Variants in UBR2 observed in about 807,000 individuals in gnomAD.
UBR2 encodes ubiquitin protein ligase E3 component n-recognin 2.
A neutral mutation model predicts 247.9 loss-of-function variants in UBR2; 92 were observed. The observed-to-expected ratio is 0.37, with a 90% CI of 0.31 to 0.44. UBR2 has a LOEUF of 0.44. Ranked by LOEUF, UBR2 falls within the 20% of genes least tolerant of loss-of-function variation. The pLI is 1.00. For synonymous variants in UBR2, 672 were observed against 693.5 expected (o/e 0.97, Z 0.49); for missense variants, 1,613 against 2,112.6 (o/e 0.76, Z 4.64).
chr6:42,573,947 C>G lies in UBR2; in HGVS notation c.292C>G (p.Leu98Val). The change falls in exon 2 of 47, where the codon CTT becomes GTT. Residue 98 changes from leucine to valine, a missense_variant. Transcript: ENST00000372901. ...TGAGCAAGCAAACAAACCTTCTCATCTTTGTGGTCGTGTTTTTAAAGTAGG... is the reference window on the plus strand; with the variant it reads ...TGAGCAAGCAAACAAACCTTCTCATGTTTGTGGTCGTGTTTTTAAAGTAGG... ...KLEQANKPSHLCGRVFKVGEP... is the reference protein window; with the variant it reads ...KLEQANKPSHVCGRVFKVGEP... 3 of 1,611,960 alleles carry G rather than the reference C, an allele frequency of 1.9e-6. No individual in the cohort carries two copies. Among genetic ancestry groups the G allele is most frequent in the Middle Eastern group, 1.7e-4 (1 of 6,052 alleles).
In UBR2 at chr6:42,678,581, T is replaced by C; in HGVS notation, c.4521T>C (p.Ser1507=). The C allele has an allele frequency of 1.9e-6, 3 of 1,613,830 alleles. No individual in the cohort carries two copies. The highest frequency in any genetic ancestry group is 2.5e-6 in the Non-Finnish European group (3 of 1,179,898). ...CATCCGGCTGGCATCTGTGGAGGAGTGTCAGAGCTGGAATCATGCCTTTCC... is the reference window on the plus strand; with the variant it reads ...CATCCGGCTGGCATCTGTGGAGGAGCGTCAGAGCTGGAATCATGCCTTTCC... The part of the protein sequence containing the change: ...EIPSGWHLWR[S]VRAGIMPFLK... The change falls in exon 41 of 47, where the codon AGT becomes AGC. Residue 1507 remains serine, a synonymous_variant. Coordinates refer to ENST00000372901, the MANE Select transcript of UBR2 (RefSeq NM_001363705.2).
chr6:42,686,838 C>T (rs1799440564), intron 44 of UBR2, among the ~76,000 whole-genome samples: 2 of 152,074 alleles, frequency 1.3e-5, no homozygotes, highest in African/African-American at 2.4e-5. Flanking sequence ...GGGCTCCTCA[C>T]TTCTCAGACG....
At chr6:42,640,301 C>T in intron 16 of UBR2, 31 bp downstream of exon 16, 1 of 1,543,816 alleles carries the variant, frequency 6.5e-7, no homozygotes, top group East Asian at 2.3e-5. Context: ...AAAGTGAATA[C>T]TTATTTATTA....
At chr6:42,683,453 A>G (rs755893992) in intron 43 of UBR2, among the ~76,000 whole-genome samples, 1 of 152,226 alleles carries the variant, frequency 6.6e-6, no homozygotes, top group Non-Finnish European at 1.5e-5. Context: ...GAGTAAAATA[A>G]TGAGGCTCCA....
intron 11 of UBR2, among the ~76,000 whole-genome samples, chr6:42,629,283 C>CTCA (rs995205053): frequency 1.9e-4 from 29 of 149,124 alleles, no homozygotes; most frequent in Admixed American, 1.6e-3. Flanking sequence ...TCCCAAAGTG[C>CTCA]TCAGATTACA....
At chr6:42,657,972 G>C in intron 26 of UBR2, 52 bp from the exon 27 acceptor site, 1 of 1,352,450 alleles carries the variant, frequency 7.4e-7, no homozygotes, top group Non-Finnish European at 1.1e-6. Context: ...GTAGGAATAA[G>C]TACTATGAAG....
At chr6:42,640,032 AT>A (rs113860357) in intron 15 of UBR2, among the ~76,000 whole-genome samples, 176 bp from the exon 16 acceptor site, 1 of 151,952 alleles carries the variant, frequency 6.6e-6, no homozygotes, top group African/African-American at 2.4e-5. Flanking sequence ...GTCTCAAAAA[AT>A]TAATAATAAT....
intron 8 of UBR2, among the ~76,000 whole-genome samples, chr6:42,612,717 T>C (rs980743495): frequency 6.6e-6 from 1 of 152,240 alleles, no homozygotes; most frequent in African/African-American, 2.4e-5. Context: ...ACACTAATGT[T>C]GATTTATGTG....
At chr6:42,678,692 A>G in intron 41 of UBR2, 23 bp downstream of exon 41, 1 of 1,600,002 alleles carries the variant, frequency 6.2e-7, no homozygotes, top group Non-Finnish European at 8.5e-7. Context: ...TTCTTTCAAA[A>G]CGTAGGGAGA....
intron 13 of UBR2, among the ~76,000 whole-genome samples, chr6:42,633,636 C>A (rs1260357926): frequency 6.6e-6 from 1 of 152,066 alleles, no homozygotes; most frequent in Non-Finnish European, 1.5e-5. Flanking sequence ...AGTGATCCAC[C>A]CACCTCAACC....
chr6:42,573,645 AT>A (rs1033780407), intron 1 of UBR2, 88 bp from the exon 2 acceptor site: 282 of 1,349,264 alleles, frequency 2.1e-4, no homozygotes, highest in Non-Finnish European at 2.5e-4. Context: ...TTTTGTCATT[AT>A]TTTTGTACCT....
intron 21 of UBR2, 133 bp from the exon 22 acceptor site, chr6:42,647,985 A>C (rs1224860175): frequency 8.7e-6 from 5 of 574,512 alleles, no homozygotes; most frequent in Non-Finnish European, 1.5e-5. Context: ...TTGCTATGGA[A>C]TCCTCATCTG....
chr6:42,612,797 T>G (rs190922334), intron 8 of UBR2, among the ~76,000 whole-genome samples: 86 of 152,278 alleles, frequency 5.6e-4, no homozygotes, highest in Admixed American at 1.8e-3. Flanking sequence ...AAGTTACCAA[T>G]TTGCGTTTTT....
rs914218597 is a variant in UBR2 at position 42,644,636 on chromosome 6, A to G, written c.2284+100A>G. 3.7e-5 allele frequency: 36 copies of G among 961,876 alleles called. No individual in the cohort carries two copies. The African/African-American group carries it at 5.0e-4, about 13-fold the overall frequency. 59.6% of individuals were successfully genotyped at this position (961,876 alleles called of 1,614,324 possible). On this transcript the variant is annotated intron_variant, in intron 20 of 46. Coordinates refer to ENST00000372901, the MANE Select transcript of UBR2 (RefSeq NM_001363705.2). ...CCTGTGTTTCCTTTGTTTTGAGAGGATGCTCAGTCTTAGGGGAAGAGAATT... is the reference window on the plus strand; with the variant it reads ...CCTGTGTTTCCTTTGTTTTGAGAGGGTGCTCAGTCTTAGGGGAAGAGAATT...
chr6:42,651,279 A>G (rs1276199844), intron 23 of UBR2, among the ~76,000 whole-genome samples: 3 of 152,032 alleles, frequency 2.0e-5, no homozygotes, highest in Admixed American at 1.3e-4. Context: ...GTTTTTCAAT[A>G]AACAGCATTA....
intron 2 of UBR2, among the ~76,000 whole-genome samples, chr6:42,589,669 A>G (rs901477651): frequency 2.6e-5 from 4 of 152,192 alleles, no homozygotes; most frequent in Middle Eastern, 3.2e-3. Context: ...TTCTTGACTC[A>G]ATTTCTTTAA....
rs577770695 is a variant in UBR2, at chr6:42,669,511, A to G, written c.3882-581A>G. Reference sequence around the variant, plus strand: ...TTTCTTATGATTTTTTTTGCTTTCTACATTGTCTCTGTTTTCCCTGAGTTC... The same window carrying G: ...TTTCTTATGATTTTTTTTGCTTTCTGCATTGTCTCTGTTTTCCCTGAGTTC... On this transcript the variant is annotated intron_variant, in intron 34 of 46. Coordinates refer to ENST00000372901, the MANE Select transcript of UBR2 (RefSeq NM_001363705.2). 2.6e-5 allele frequency among the ~76,000 whole-genome samples: 4 copies of G among 151,878 alleles called. No individual in the cohort carries two copies. The South Asian group carries it at 8.3e-4, about 32-fold the overall frequency.
chr6:42,641,822 A>G (rs1796467054), intron 17 of UBR2, 130 bp downstream of exon 17: 2 of 628,108 alleles, frequency 3.2e-6, no homozygotes, highest in Non-Finnish European at 5.1e-6. Flanking sequence ...GATTAATGAT[A>G]AAACAAAAAG....
At chr6:42,640,453 G>T (rs58475043) in intron 16 of UBR2, among the ~76,000 whole-genome samples, 183 bp downstream of exon 16, 2,679 of 151,480 alleles carry the variant, frequency 0.018, 68 homozygotes, top group African/African-American at 0.063. Context: ...CATATATAGA[G>T]AGAGAGAGAC....
Sources: allele counts gnomAD v4.1 joint callset (sites outside exome capture counted in the v4.1 genomes callset), GRCh38; gene constraint gnomAD v4.1.1; transcripts MANE v1.5; gene names NCBI Gene and HGNC (gene_info 2026-07-23, HGNC 2026-07-21).